HTR2A: variants seen among roughly 807,000 people sequenced by gnomAD.
HTR2A encodes 5-HT2 receptor.
A neutral mutation model predicts 31.0 loss-of-function variants in HTR2A; 14 were observed. The ratio of observed to expected loss-of-function variants is 0.45; its 90% CI spans 0.30 to 0.71. The LOEUF (loss-of-function observed/expected upper bound fraction) is 0.71, where lower values mean the gene tolerates loss of function less well. HTR2A is among the 30% of genes least tolerant of loss of function. The pLI, the probability that HTR2A is intolerant of heterozygous loss-of-function variation, is 0.09. For missense variants in HTR2A, 442 were observed against 573.3 expected (o/e 0.77, Z 2.34); for synonymous variants, 209 against 225.2 (o/e 0.93, Z 0.64).
At chr13:46,863,081 G>T (rs1928042) in intron 3 of HTR2A, among the ~76,000 whole-genome samples, 112,374 of 152,140 alleles carry the variant, frequency 0.74, 41,684 homozygotes, top group East Asian at 0.95. Flanking sequence ...AACTGCAATT[G>T]TGACTCTTTA....
chr13:46,888,919 C>A (rs1870976014), intron 3 of HTR2A, among the ~76,000 whole-genome samples: 1 of 151,990 alleles, frequency 6.6e-6, no homozygotes, highest in South Asian at 2.1e-4. Flanking sequence ...GATGAATTGA[C>A]AATTCTTGAT....
intron 3 of HTR2A, among the ~76,000 whole-genome samples, chr13:46,849,787 T>C (rs1404127390): frequency 6.6e-6 from 1 of 152,242 alleles, no homozygotes; most frequent in African/African-American, 2.4e-5. Context: ...GTTGCCACTG[T>C]ATGAGATTAT....
chr13:46,845,643 C>CAAAAAA (rs11394720), intron 3 of HTR2A, among the ~76,000 whole-genome samples: 1 of 112,982 alleles, frequency 8.9e-6, no homozygotes, highest in Admixed American at 9.6e-5. Context: ...TTCATCACTC[C>CAAAAAA]AAAAAAAAAA....
chr13:46,879,784 T>C (rs1374065047), intron 3 of HTR2A, among the ~76,000 whole-genome samples: 1 of 152,112 alleles, frequency 6.6e-6, no homozygotes, highest in Non-Finnish European at 1.5e-5. Flanking sequence ...AGTGGGAAGA[T>C]TGCTTGAGCC....
At chr13:46,884,069 C>T (rs549842587) in intron 3 of HTR2A, among the ~76,000 whole-genome samples, 1 of 152,240 alleles carries the variant, frequency 6.6e-6, no homozygotes, top group South Asian at 2.1e-4. Context: ...GAAAGTTGGC[C>T]GCCTCATCCA....
intron 3 of HTR2A, among the ~76,000 whole-genome samples, chr13:46,839,179 G>C (rs1210085043): frequency 6.6e-6 from 1 of 152,102 alleles, no homozygotes; most frequent in Admixed American, 6.6e-5. Context: ...TGGAAGTGGA[G>C]AATCAAGCTG....
chr13:46,864,821 G>A (rs1950807100), intron 3 of HTR2A, among the ~76,000 whole-genome samples: 1 of 152,178 alleles, frequency 6.6e-6, no homozygotes, highest in African/African-American at 2.4e-5. Flanking sequence ...CTGTTTGGCT[G>A]TATAAAAGAG....
At chr13:46,854,075 T>C (rs1438036075) in intron 3 of HTR2A, 1 of 152,200 alleles carries the variant, frequency 6.6e-6, no homozygotes, top group Non-Finnish European at 1.5e-5. Context: ...CAGTCATCGG[T>C]AGCATGGGTA....
At chr13:46,898,066 G>A (rs546036911), upstream of HTR2A, among the ~76,000 whole-genome samples, 218 of 152,230 alleles carry the variant, frequency 1.4e-3, 1 homozygote, top group Middle Eastern at 3.4e-3. Flanking sequence ...CTCTGTATGC[G>A]TGTTTCTCAC....
intron 3 of HTR2A, chr13:46,856,227 C>T (rs1293477022): frequency 6.6e-6 from 1 of 152,032 alleles, no homozygotes; most frequent in African/African-American, 2.4e-5. Flanking sequence ...CAAAACAATC[C>T]CTCGTAGATT....
At chr13:46,892,325 A>G in intron 3 of HTR2A, 65 bp downstream of exon 3, 2 of 1,478,254 alleles carry the variant, frequency 1.4e-6, no homozygotes, top group Non-Finnish European at 1.9e-6. Flanking sequence ...ACAAAATGGA[A>G]CAAGTCTTTT....
At chr13:46,852,784 A>C (rs971229285) in intron 3 of HTR2A, among the ~76,000 whole-genome samples, 1 of 152,212 alleles carries the variant, frequency 6.6e-6, no homozygotes, top group Non-Finnish European at 1.5e-5. Context: ...TAAACATTTT[A>C]AAATCACTTA....
intron 3 of HTR2A, among the ~76,000 whole-genome samples, chr13:46,874,212 T>C (rs1950888172): frequency 6.6e-6 from 1 of 152,188 alleles, no homozygotes; most frequent in Admixed American, 6.5e-5. Context: ...ACTATTTCCA[T>C]GGAAACAGAC....
intron 3 of HTR2A, among the ~76,000 whole-genome samples, chr13:46,866,099 T>C (rs1343005004): frequency 6.6e-6 from 1 of 152,210 alleles, no homozygotes; most frequent in East Asian, 1.9e-4. Flanking sequence ...GTTTCATAAA[T>C]TGTTTTGTAG....
chr13:46,838,261 G>T (rs1950574653), intron 3 of HTR2A, among the ~76,000 whole-genome samples: 1 of 152,310 alleles, frequency 6.6e-6, no homozygotes, highest in South Asian at 2.1e-4. Flanking sequence ...AGACATCCCT[G>T]GATTTGAGTC....
chr13:46,857,422 T>C (rs1229712735), intron 3 of HTR2A, among the ~76,000 whole-genome samples: 1 of 152,098 alleles, frequency 6.6e-6, no homozygotes, highest in Admixed American at 6.5e-5. Flanking sequence ...ACCTGCTCAC[T>C]GCATCCTCAC....
intron 3 of HTR2A, among the ~76,000 whole-genome samples, chr13:46,880,734 G>T (rs1319590720): frequency 1.3e-5 from 2 of 152,048 alleles, no homozygotes; most frequent in Non-Finnish European, 2.9e-5. Flanking sequence ...AGCTACTCAG[G>T]AGGCTGAGGC....
intron 3 of HTR2A, among the ~76,000 whole-genome samples, chr13:46,876,217 T>C (rs1950909366): frequency 6.6e-6 from 1 of 151,934 alleles, no homozygotes; most frequent in African/African-American, 2.4e-5. Flanking sequence ...ATTCTGCCCA[T>C]CCTTCAAGGT....
chr13:46,851,809 G>T (rs1176409570), intron 3 of HTR2A, among the ~76,000 whole-genome samples: 3 of 152,312 alleles, frequency 2.0e-5, no homozygotes, highest in South Asian at 4.1e-4. Context: ...GCAGAATAAT[G>T]GTCCCCAAAG....
Sources: allele counts gnomAD v4.1 joint callset (sites outside exome capture counted in the v4.1 genomes callset), GRCh38; gene constraint gnomAD v4.1.1; transcripts MANE v1.5; gene names NCBI Gene and HGNC (gene_info 2026-07-23, HGNC 2026-07-21).